The following ATP8B4 variants were observed in gnomAD, a reference collection of about 807,000 sequenced individuals.
ATP8B4 encodes the protein probable phospholipid-transporting ATPase IM.
A neutral mutation model predicts 145.6 loss-of-function variants in ATP8B4; 133 were observed. The observed-to-expected ratio is 0.91, with a 90% CI of 0.79 to 1.05. ATP8B4 has a LOEUF of 1.05. ATP8B4 is among the 50% of genes least tolerant of loss of function. ATP8B4 has a pLI of 0.00. For synonymous variants in ATP8B4, 507 were observed against 492.9 expected (o/e 1.03, Z -0.38); for missense variants, 1,458 against 1,425.2 (o/e 1.02, Z -0.37).
intron 1 of ATP8B4, among the ~76,000 whole-genome samples, chr15:50,171,556 G>A (rs973911543): frequency 1.3e-5 from 2 of 151,990 alleles, no homozygotes; most frequent in Admixed American, 6.6e-5. Flanking sequence ...CAGCAAAGGC[G>A]GTGCTAAGAG....
Position 50,086,217 on chromosome 15 carries a change from ATATT to A in ATP8B4, c.29-12036_29-12033del, listed in dbSNP as rs1162853951. Reference sequence around the variant, plus strand: ...ATATAATAAAATAATATAGAGATCTATATTTATTATATATAATAAAATAATATAG... The same window carrying A: ...ATATAATAAAATAATATAGAGATCTATATTATATATAATAAAATAATATAG... On this transcript the variant is annotated intron_variant, in intron 2 of 27. Coordinates refer to ENST00000284509, the MANE Select transcript of ATP8B4 (RefSeq NM_024837.4). Among the ~76,000 whole-genome samples the A allele has an allele frequency of 8.5e-3, 893 of 104,726 alleles. 60 individuals are homozygous for A. Among genetic ancestry groups the A allele is most frequent in the African/African-American group, 0.038 (862 of 22,610 alleles). The allele number at this position is 104,726 out of a possible 152,430, so 68.7% of individuals were successfully genotyped here.
intron 6 of ATP8B4, among the ~76,000 whole-genome samples, chr15:50,033,348 A>G (rs1000094187): frequency 6.6e-6 from 1 of 152,236 alleles, no homozygotes; most frequent in Non-Finnish European, 1.5e-5. Flanking sequence ...GGGTAATTGC[A>G]CTGAAGCATC....
rs532582889 is a variant in ATP8B4, at chr15:50,064,002, A to G, written c.87+10125T>C. Among the ~76,000 whole-genome samples the G allele has an allele frequency of 2.8e-3, 432 of 152,226 alleles. 2 individuals are homozygous for G. Among genetic ancestry groups the G allele is most frequent in the African/African-American group, 9.9e-3 (413 of 41,544 alleles). ...CAAAGAAAGAAAAGGCTGTTTGGGGAGGTAATGAGGTCCCCTCTTCTAAAG... is the reference window on the plus strand; with the variant it reads ...CAAAGAAAGAAAAGGCTGTTTGGGGGGGTAATGAGGTCCCCTCTTCTAAAG... On this transcript the variant is annotated intron_variant, in intron 3 of 27. Coordinates refer to ENST00000284509, the MANE Select transcript of ATP8B4 (RefSeq NM_024837.4).
At chr15:50,125,444 C>G (rs1175195799) in intron 1 of ATP8B4, among the ~76,000 whole-genome samples, 2 of 152,130 alleles carry the variant, frequency 1.3e-5, no homozygotes, top group African/African-American at 4.8e-5. Context: ...AGTTCAGGCT[C>G]TTAATCAGGA....
At chr15:50,096,313 C>T (rs1462355957) in intron 2 of ATP8B4, among the ~76,000 whole-genome samples, 1 of 152,126 alleles carries the variant, frequency 6.6e-6, no homozygotes, top group African/African-American at 2.4e-5. Context: ...AGGAACACTC[C>T]CTGGGGCTTC....
chr15:50,154,200 A>C (rs958011933), intron 1 of ATP8B4, among the ~76,000 whole-genome samples: 1 of 152,138 alleles, frequency 6.6e-6, no homozygotes, highest in Non-Finnish European at 1.5e-5. Flanking sequence ...CATTTTACTT[A>C]AGGACAAAAA....
At chr15:49,909,722 C>CAAAAAAAAAAAAAA (rs995336781) in intron 20 of ATP8B4, among the ~76,000 whole-genome samples, 2 of 72,016 alleles carry the variant, frequency 2.8e-5, no homozygotes, top group Non-Finnish European at 2.7e-5. Flanking sequence ...CTTTGTTTAC[C>CAAAAAAAAAAAAAA]AAAAAAAAAA....
intron 1 of ATP8B4, among the ~76,000 whole-genome samples, chr15:50,140,180 G>T (rs1270025646): frequency 6.6e-6 from 1 of 152,058 alleles, no homozygotes; most frequent in African/African-American, 2.4e-5. Context: ...AATAAAAAAT[G>T]TTTTTAAAGA....
At chr15:50,142,145 G>A (rs141478569) in intron 1 of ATP8B4, among the ~76,000 whole-genome samples, 1 of 152,302 alleles carries the variant, frequency 6.6e-6, no homozygotes, top group East Asian at 1.9e-4. Context: ...TGGGACTCAG[G>A]AGTGAGTTAT....
At chr15:50,070,719 G>GT (rs1040305269) in intron 3 of ATP8B4, among the ~76,000 whole-genome samples, 1 of 151,978 alleles carries the variant, frequency 6.6e-6, no homozygotes, top group East Asian at 1.9e-4. Context: ...TTTTATCTTG[G>GT]TTTTTTGTGT....
intron 17 of ATP8B4, 73 bp from the exon 18 acceptor site, chr15:49,920,483 T>C (rs1404499588): frequency 3.4e-6 from 5 of 1,457,260 alleles, no homozygotes; most frequent in Non-Finnish European, 4.6e-6. Flanking sequence ...ACAAAAATAA[T>C]TGGTGAGAAA....
chr15:50,047,297 T>A, intron 4 of ATP8B4, 54 bp downstream of exon 4: 1 of 1,157,094 alleles, frequency 8.6e-7, no homozygotes, highest in Non-Finnish European at 1.3e-6. Context: ...CTTTTTACAA[T>A]TTTATGAATA....
rs771053724 is a variant in ATP8B4 at position 50,092,106 on chromosome 15, G to A, written c.28+14833C>T. 3.6e-4 allele frequency among the ~76,000 whole-genome samples: 55 copies of A among 152,272 alleles called. No individual in the cohort carries two copies. The Middle Eastern group carries it at 0.01, about 28-fold the overall frequency. ...TTAGAGTTCAGAGCCTAGCAGGGAA[G>A]AGAGGTCTTGGTACACACTAAGTTT... On this transcript the variant is annotated intron_variant, in intron 2 of 27. Transcript: ENST00000284509.
intron 1 of ATP8B4, among the ~76,000 whole-genome samples, chr15:50,161,779 G>T (rs1367084153): frequency 2.0e-5 from 3 of 152,060 alleles, no homozygotes; most frequent in Non-Finnish European, 1.5e-5. Context: ...TTTTATGCAA[G>T]ATATGAGTTT....
At chr15:50,175,790 C>T (rs1326853279) in intron 1 of ATP8B4, among the ~76,000 whole-genome samples, 1 of 152,098 alleles carries the variant, frequency 6.6e-6, no homozygotes, top group Non-Finnish European at 1.5e-5. Context: ...AACAGTGTGG[C>T]GATCCCTTAA....
chr15:50,020,620 T>C (rs2049477120), intron 6 of ATP8B4, among the ~76,000 whole-genome samples: 1 of 152,140 alleles, frequency 6.6e-6, no homozygotes, highest in South Asian at 2.1e-4. Context: ...GACTAATATC[T>C]TGATAGAATT....
intron 20 of ATP8B4, among the ~76,000 whole-genome samples, chr15:49,910,997 G>A (rs984798214): frequency 2.0e-5 from 3 of 151,836 alleles, no homozygotes; most frequent in Admixed American, 6.6e-5. Flanking sequence ...ACACCAATGA[G>A]GAAGAGAAAG....
intron 1 of ATP8B4, among the ~76,000 whole-genome samples, chr15:50,140,517 T>C (rs2153679793): frequency 6.6e-6 from 1 of 152,304 alleles, no homozygotes; most frequent in Admixed American, 6.5e-5. Flanking sequence ...AAAACTTAGA[T>C]AACAAAGCAT....
chr15:49,981,208 A>C lies in ATP8B4; in HGVS notation c.835T>G (p.Trp279Gly), dbSNP rs749076631. ...IDRLMNTLVL[W>G]IFGFLICLGI... Reference sequence around the variant, plus strand: ...TATTGCCTAGTTTTGTAACTTACCCATAGTACTAGAGTATTCATCAATCTA... The same window carrying C: ...TATTGCCTAGTTTTGTAACTTACCCCTAGTACTAGAGTATTCATCAATCTA... The change falls in exon 11 of 28, where the codon TGG (tryptophan) becomes GGG (glycine). Residue 279 changes from tryptophan (W) to glycine (G), a missense_variant and splice_region_variant. By Grantham distance (184) the Trp-to-Gly change is radical (BLOSUM62 -2). Transcript: ENST00000284509. 2 of 1,582,570 alleles carry C rather than the reference A, an allele frequency of 1.3e-6. No homozygotes were observed. Among genetic ancestry groups the C allele is most frequent in the Non-Finnish European group, 1.7e-6 (2 of 1,155,436 alleles).
Sources: gnomAD v4.1 joint callset for allele counts (sites outside exome capture counted in the v4.1 genomes callset) on GRCh38, gnomAD v4.1.1 for gene constraint, MANE v1.5 for transcripts, NCBI Gene and HGNC (gene_info 2026-07-23, HGNC 2026-07-21) for gene names.